EYS: variants seen among roughly 807,000 people sequenced by gnomAD.
EYS encodes the protein EGF-like photoreceptor maintenance factor, also known as protein eyes shut homolog.
A neutral mutation model predicts 282.1 loss-of-function variants in EYS; 250 were observed. The observed-to-expected ratio is 0.89, with a 90% CI of 0.80 to 0.98. EYS has a LOEUF of 0.98. Ranked by LOEUF, EYS falls within the 50% of genes least tolerant of loss-of-function variation. The pLI, the probability that EYS is intolerant of heterozygous loss-of-function variation, is 0.00. For missense variants in EYS, 4,016 were observed against 3,709.0 expected (o/e 1.08, Z -2.15); for synonymous variants, 1,355 against 1,282.9 (o/e 1.06, Z -1.20).
chr6:63,905,279 T>C (rs1464665579), intron 35 of EYS, among the ~76,000 whole-genome samples: 1 of 151,932 alleles, frequency 6.6e-6, no homozygotes, highest in East Asian at 1.9e-4. Flanking sequence ...AAATAAAAGA[T>C]CATTTTAGAG....
chr6:64,428,136 T>G (rs958422661), intron 28 of EYS, among the ~76,000 whole-genome samples: 2 of 152,140 alleles, frequency 1.3e-5, no homozygotes, highest in African/African-American at 4.8e-5. Context: ...ACAATTGCCT[T>G]CAATATTGCA....
intron 12 of EYS, among the ~76,000 whole-genome samples, chr6:65,080,859 T>G (rs943324786): frequency 1.3e-5 from 2 of 152,178 alleles, no homozygotes; most frequent in Non-Finnish European, 2.9e-5. Context: ...TCTTTTTACA[T>G]GTACTGATGC....
intron 31 of EYS, among the ~76,000 whole-genome samples, chr6:64,184,458 T>C (rs1259095122): frequency 1.3e-5 from 2 of 152,100 alleles, no homozygotes. Flanking sequence ...AATACCCACT[T>C]CACTTCTGTA....
At position 64,343,299 on chromosome 6, in the gene EYS, A is replaced by G. The variant is rs548532972; in HGVS notation, c.6079-36217T>C. ...ACACCTATTCCAAAATTGACCACAT[A>G]GTTGGAAGTAAAGCTCTCCTCAGCA... On this transcript the variant is annotated intron_variant, in intron 29 of 42. Coordinates refer to ENST00000503581, the MANE Select transcript of EYS (RefSeq NM_001142800.2). Among the ~76,000 whole-genome samples, 20 of 152,038 alleles carry G rather than the reference A, an allele frequency of 1.3e-4. No homozygotes were observed. In the South Asian group the frequency reaches 4.2e-3, roughly 32 times the overall value.
At chr6:64,418,557 A>C (rs1225739246) in intron 28 of EYS, among the ~76,000 whole-genome samples, 4 of 152,202 alleles carry the variant, frequency 2.6e-5, no homozygotes, top group African/African-American at 9.6e-5. Context: ...TACCTGCACC[A>C]TCTATGCCTT....
chr6:65,293,852 C>T (rs537498461), intron 12 of EYS, among the ~76,000 whole-genome samples: 1 of 151,798 alleles, frequency 6.6e-6, no homozygotes. Context: ...AAGGCTAATA[C>T]TTCCAAAAAT....
intron 22 of EYS, among the ~76,000 whole-genome samples, chr6:64,749,621 A>G (rs1772676059): frequency 6.6e-6 from 1 of 152,184 alleles, no homozygotes; most frequent in Non-Finnish European, 1.5e-5. Flanking sequence ...AAAACATTTT[A>G]GCAAGTCTTG....
intron 36 of EYS, among the ~76,000 whole-genome samples, chr6:63,829,439 C>T (rs192529552): frequency 6.6e-6 from 1 of 152,278 alleles, no homozygotes; most frequent in South Asian, 2.1e-4. Context: ...TTGGAGGGTC[C>T]CACGCCCACA....
intron 22 of EYS, among the ~76,000 whole-genome samples, chr6:64,776,665 A>G (rs1466272158): frequency 6.6e-6 from 1 of 152,078 alleles, no homozygotes; most frequent in Admixed American, 6.6e-5. Context: ...TCTCATCATT[A>G]GCCTTTCACA....
chr6:64,126,736 T>C (rs969245088), intron 31 of EYS, among the ~76,000 whole-genome samples: 2 of 152,142 alleles, frequency 1.3e-5, no homozygotes, highest in African/African-American at 4.8e-5. Context: ...TGTCTGTATA[T>C]AGTTTCATTT....
At chr6:65,385,452 GAATTA>G (rs916775508) in intron 7 of EYS, among the ~76,000 whole-genome samples, 1 of 151,792 alleles carries the variant, frequency 6.6e-6, no homozygotes, top group African/African-American at 2.4e-5. Flanking sequence ...TCATCTTGCA[GAATTA>G]AATTATTTCT....
chr6:65,624,771 CT>C lies in EYS; in HGVS notation c.-333+15006del, dbSNP rs1043591389. On this transcript the variant is annotated intron_variant, in intron 2 of 42. Coordinates refer to ENST00000503581, the MANE Select transcript of EYS (RefSeq NM_001142800.2). Reference sequence around the variant, plus strand: ...AACTGCAAGTTCTTCAGCTTTGGACCTTTTGGACTTACACTACTGTATGTCA... The same window carrying C: ...AACTGCAAGTTCTTCAGCTTTGGACCTTTGGACTTACACTACTGTATGTCA... 3.4e-4 allele frequency among the ~76,000 whole-genome samples: 52 copies of C among 152,096 alleles called. 1 individual carries two copies. Among genetic ancestry groups the C allele is most frequent in the African/African-American group, 1.1e-3 (44 of 41,416 alleles).
intron 22 of EYS, among the ~76,000 whole-genome samples, chr6:64,798,725 C>G (rs1774442604): frequency 6.6e-6 from 1 of 150,812 alleles, no homozygotes; most frequent in Non-Finnish European, 1.5e-5. Context: ...TCCTTCCTTC[C>G]ATAACTCTCT....
At chr6:64,547,241 A>G (rs944811994) in intron 26 of EYS, among the ~76,000 whole-genome samples, 3 of 152,148 alleles carry the variant, frequency 2.0e-5, no homozygotes, top group African/African-American at 7.2e-5. Flanking sequence ...GTGGGTTGCC[A>G]CTGCTGGCTC....
intron 2 of EYS, among the ~76,000 whole-genome samples, chr6:65,634,296 C>T (rs540237937): frequency 1.7e-3 from 265 of 152,274 alleles, no homozygotes; most frequent in South Asian, 5.4e-3. Flanking sequence ...GGATTCTCTA[C>T]ATATGAAATA....
intron 11 of EYS, among the ~76,000 whole-genome samples, chr6:65,333,498 A>G (rs191978046): frequency 1.4e-4 from 21 of 151,576 alleles, no homozygotes; most frequent in Non-Finnish European, 2.8e-4. Flanking sequence ...ACATTTAAGA[A>G]GGTTATTCTG....
At chr6:64,792,736 A>G (rs576202104) in intron 22 of EYS, among the ~76,000 whole-genome samples, 167 of 152,072 alleles carry the variant, frequency 1.1e-3, no homozygotes, top group Non-Finnish European at 2.0e-3. Flanking sequence ...ATAGTCAGCT[A>G]TTATATTGTA....
At chr6:64,662,074 T>C (rs1769049323) in intron 22 of EYS, among the ~76,000 whole-genome samples, 2 of 151,878 alleles carry the variant, frequency 1.3e-5, no homozygotes, top group African/African-American at 4.8e-5. Context: ...TGAGTTCATG[T>C]CCTTTGTAGG....
chr6:65,263,876 A>G (rs1320783105), intron 12 of EYS, among the ~76,000 whole-genome samples: 1 of 152,012 alleles, frequency 6.6e-6, no homozygotes, highest in Non-Finnish European at 1.5e-5. Flanking sequence ...ATAGTCACTG[A>G]ACTCCAGCGT....
Sources: gnomAD v4.1 joint callset for allele counts (sites outside exome capture counted in the v4.1 genomes callset) on GRCh38, gnomAD v4.1.1 for gene constraint, MANE v1.5 for transcripts, NCBI Gene and HGNC (gene_info 2026-07-23, HGNC 2026-07-21) for gene names.